The following ZMIZ1 variants were observed in gnomAD, a reference collection of about 807,000 sequenced individuals.
ZMIZ1 encodes the protein zinc finger MIZ-type containing 1, also known as zinc finger MIZ domain-containing protein 1.
A neutral mutation model predicts 113.9 loss-of-function variants in ZMIZ1; 17 were observed. That is an observed-to-expected ratio of 0.15 (90% CI 0.10 to 0.22). The LOEUF (loss-of-function observed/expected upper bound fraction) is 0.22. Among genes scored for constraint, ZMIZ1 ranks in the 10% least tolerant of loss-of-function variants. The pLI is 1.00. For missense variants in ZMIZ1, 1,059 were observed against 1,477.8 expected (o/e 0.72, Z 4.65); for synonymous variants, 607 against 603.1 (o/e 1.01, Z -0.09).
intron 2 of ZMIZ1, among the ~76,000 whole-genome samples, chr10:79,135,510 C>T (rs964265461): frequency 1.3e-5 from 2 of 152,246 alleles, no homozygotes; most frequent in Admixed American, 6.5e-5. Context: ...CATGGACATG[C>T]GGTGCACCTG....
intron 1 of ZMIZ1, among the ~76,000 whole-genome samples, chr10:79,095,634 T>C (rs1379459274): frequency 6.6e-6 from 1 of 152,212 alleles, no homozygotes; most frequent in East Asian, 1.9e-4. Context: ...ATCTATTACC[T>C]TGGGCTTGGA....
intron 21 of ZMIZ1, 71 bp downstream of exon 21, chr10:79,305,672 T>A: frequency 1.3e-6 from 2 of 1,495,626 alleles, no homozygotes; most frequent in Non-Finnish European, 9.3e-7. Context: ...GGTGAGCAGG[T>A]GGATAGCCCT....
rs758342864 is a variant in ZMIZ1 at position 79,293,787 on chromosome 10, G to A, written c.1230+134G>A. On this transcript the variant is annotated intron_variant, in intron 12 of 24. Transcript: ENST00000334512. ...TTGGACAAAGAGGCAGGGGCTTAGGGGTCAGGTGCTCCTGGGTTTGAGACC... is the reference window on the plus strand; with the variant it reads ...TTGGACAAAGAGGCAGGGGCTTAGGAGTCAGGTGCTCCTGGGTTTGAGACC... 2.2e-6 allele frequency: 3 copies of A among 1,370,470 alleles called. No individual in the cohort carries two copies. In the South Asian group the frequency reaches 3.5e-5, roughly 16 times the overall value. 84.9% of individuals were successfully genotyped at this position (1,370,470 alleles called of 1,614,324 possible).
At chr10:79,222,694 G>A (rs1356981836) in intron 7 of ZMIZ1, among the ~76,000 whole-genome samples, 1 of 152,168 alleles carries the variant, frequency 6.6e-6, no homozygotes, top group Admixed American at 6.5e-5. Flanking sequence ...CTCCCTGTCT[G>A]TGGCCTGTGG....
intron 7 of ZMIZ1, among the ~76,000 whole-genome samples, chr10:79,269,373 C>A (rs948550101): frequency 1.3e-5 from 2 of 151,806 alleles, no homozygotes; most frequent in Admixed American, 6.6e-5. Context: ...GCTTCGCAGG[C>A]CTCTTCCTGG....
intron 1 of ZMIZ1, among the ~76,000 whole-genome samples, chr10:79,095,851 TCAGTTTGAAGCAC>T (rs1455281420): frequency 6.6e-6 from 1 of 152,140 alleles, no homozygotes; most frequent in Non-Finnish European, 1.5e-5. Flanking sequence ...GTCCTGGTGG[TCAGTTTGAAGCAC>T]CAGCAGACAG....
chr10:79,172,413 G>A (rs1846639639), intron 4 of ZMIZ1, among the ~76,000 whole-genome samples: 1 of 152,150 alleles, frequency 6.6e-6, no homozygotes, highest in Non-Finnish European at 1.5e-5. Flanking sequence ...CAGCTACAAA[G>A]CCCTTAGATG....
intron 3 of ZMIZ1, among the ~76,000 whole-genome samples, chr10:79,149,238 C>T (rs540070112): frequency 6.6e-6 from 1 of 152,352 alleles, no homozygotes; most frequent in African/African-American, 2.4e-5. Flanking sequence ...TGTTCATCCC[C>T]AGCACTAAGC....
intron 3 of ZMIZ1, among the ~76,000 whole-genome samples, chr10:79,158,142 A>G (rs1021527659): frequency 5.3e-5 from 8 of 152,106 alleles, no homozygotes; most frequent in Non-Finnish European, 8.8e-5. Context: ...CTGAGCTTTT[A>G]ACTCCTTGGT....
At chr10:79,305,407 C>T (rs926610991) in intron 20 of ZMIZ1, 126 bp from the exon 21 acceptor site, 2 of 1,249,938 alleles carry the variant, frequency 1.6e-6, no homozygotes, top group East Asian at 2.3e-5. Flanking sequence ...CAGAGTCCCC[C>T]TCTCTTGTGC....
chr10:79,093,660 G>A (rs980426543), intron 1 of ZMIZ1, among the ~76,000 whole-genome samples: 3 of 152,148 alleles, frequency 2.0e-5, no homozygotes, highest in Non-Finnish European at 4.4e-5. Flanking sequence ...CGTACGTGAT[G>A]TGCTCAGAGT....
At chr10:79,100,204 G>C (rs999671087) in intron 1 of ZMIZ1, among the ~76,000 whole-genome samples, 1 of 152,078 alleles carries the variant, frequency 6.6e-6, no homozygotes, top group Non-Finnish European at 1.5e-5. Flanking sequence ...GCCCCAGGGG[G>C]ACAGGTTCAG....
intron 4 of ZMIZ1, among the ~76,000 whole-genome samples, chr10:79,166,397 C>T (rs1008075182): frequency 6.6e-6 from 1 of 152,250 alleles, no homozygotes; most frequent in East Asian, 1.9e-4. Context: ...CTGAGACAAC[C>T]CCACATTCCC....
intron 7 of ZMIZ1, among the ~76,000 whole-genome samples, chr10:79,235,670 C>T (rs1589458670): frequency 6.6e-6 from 1 of 152,080 alleles, no homozygotes; most frequent in East Asian, 1.9e-4. Flanking sequence ...AAAGAGCCGA[C>T]AAGTCCAGGT....
intron 7 of ZMIZ1, among the ~76,000 whole-genome samples, chr10:79,267,566 C>T (rs1167491967): frequency 6.6e-6 from 1 of 152,188 alleles, no homozygotes; most frequent in Non-Finnish European, 1.5e-5. Context: ...GAAGGGAAAA[C>T]CAAAGCACAG....
Position 79,277,272 on chromosome 10 carries a change from C to T in ZMIZ1, c.372C>T (p.Pro124=), listed in dbSNP as rs1448730620. Residue 124 remains proline, a synonymous_variant, in exon 8 of 25, where the codon CCC becomes CCT. Transcript: ENST00000334512. ...SRQSDPPGKL[P]MQPPLSSMSS... ...AGAGCGATCCCCCTGGGAAACTCCC[C>T]ATGCAGCCCCCTCTCAGCTCCATGA... The T allele has an allele frequency of 6.3e-7, 1 of 1,598,254 alleles. No individual in the cohort carries two copies. Among genetic ancestry groups the T allele is most frequent in the East Asian group, 2.3e-5 (1 of 43,510 alleles).
chr10:79,194,889 G>A (rs888337738), intron 4 of ZMIZ1, among the ~76,000 whole-genome samples: 2 of 152,228 alleles, frequency 1.3e-5, no homozygotes, highest in African/African-American at 4.8e-5. Context: ...GTAAATGGAA[G>A]CTTGGTCCCG....
intron 4 of ZMIZ1, among the ~76,000 whole-genome samples, chr10:79,194,438 C>T (rs1055809860): frequency 3.3e-5 from 5 of 152,192 alleles, no homozygotes; most frequent in Middle Eastern, 3.2e-3. Flanking sequence ...GCTGACTGTT[C>T]GGTTGGCTGC....
At chr10:79,208,136 G>A (rs1848404766) in intron 5 of ZMIZ1, among the ~76,000 whole-genome samples, 200 bp from the exon 6 acceptor site, 1 of 138,782 alleles carries the variant, frequency 7.2e-6, no homozygotes, top group African/African-American at 2.7e-5. Context: ...GGTGGGGGTG[G>A]GGGGGGGTGG....
Sources: gnomAD v4.1 joint callset for allele counts (sites outside exome capture counted in the v4.1 genomes callset) on GRCh38, gnomAD v4.1.1 for gene constraint, MANE v1.5 for transcripts, NCBI Gene and HGNC (gene_info 2026-07-23, HGNC 2026-07-21) for gene names.